Variants in ABCA1 observed in about 807,000 individuals in gnomAD.
ABCA1 encodes the protein ATP binding cassette subfamily A member 1.
In ABCA1, 133 loss-of-function variants were observed where a neutral mutation model predicts 262.5. That is an observed-to-expected ratio of 0.51 (90% CI 0.44 to 0.59). ABCA1 has a LOEUF of 0.59. Ranked by LOEUF, ABCA1 falls within the 20% of genes least tolerant of loss-of-function variation. ABCA1 has a pLI of 0.00. For missense variants in ABCA1, 2,452 were observed against 2,777.5 expected, an observed-to-expected ratio of 0.88 and a Z score of 2.63; for synonymous variants, 1,022 against 1,043.5, an observed-to-expected ratio of 0.98 and a Z score of 0.40.
chr9:104,805,215 C>G (rs1292745413), intron 31 of ABCA1, among the ~76,000 whole-genome samples: 1 of 152,174 alleles, frequency 6.6e-6, no homozygotes, highest in Non-Finnish European at 1.5e-5. Context: ...ACTGGGATTA[C>G]AGGCATGTGC....
At chr9:104,846,386 T>A (rs1262838484) in intron 7 of ABCA1, among the ~76,000 whole-genome samples, 1 of 152,234 alleles carries the variant, frequency 6.6e-6, no homozygotes, top group Non-Finnish European at 1.5e-5. Flanking sequence ...AAAATCCACC[T>A]TTCTTGATGT....
chr9:104,890,684 A>G (rs1452362802), intron 2 of ABCA1, among the ~76,000 whole-genome samples: 1 of 151,970 alleles, frequency 6.6e-6, no homozygotes, highest in East Asian at 1.9e-4. Context: ...CTGGAACGTC[A>G]AACTCTTGGG....
At chr9:104,910,588 A>ATG (rs150664774) in intron 1 of ABCA1, among the ~76,000 whole-genome samples, 14 of 151,976 alleles carry the variant, frequency 9.2e-5, no homozygotes, top group African/African-American at 1.9e-4. Flanking sequence ...ACAAGAGAGT[A>ATG]TGTGTGTGTG....
chr9:104,874,491 G>A (rs1175078421), intron 5 of ABCA1, among the ~76,000 whole-genome samples: 1 of 152,078 alleles, frequency 6.6e-6, no homozygotes, highest in African/African-American at 2.4e-5. Flanking sequence ...GTTTGAACCC[G>A]GGAGGCAGAG....
At chr9:104,825,991 G>A in intron 16 of ABCA1, 104 bp from the exon 17 acceptor site, 1 of 1,176,326 alleles carries the variant, frequency 8.5e-7, no homozygotes, top group South Asian at 1.3e-5. Flanking sequence ...TTGCAAAATG[G>A]ATCAATCATA....
At chr9:104,876,404 G>A (rs775376069) in intron 5 of ABCA1, among the ~76,000 whole-genome samples, 43 of 152,160 alleles carry the variant, frequency 2.8e-4, no homozygotes, top group Non-Finnish European at 8.8e-5. Flanking sequence ...TATGAGCCAA[G>A]TAGGACGTCC....
intron 40 of ABCA1, 134 bp downstream of exon 40, chr9:104,794,253 T>G: frequency 7.3e-7 from 1 of 1,361,314 alleles, no homozygotes; most frequent in Non-Finnish European, 1.0e-6. Flanking sequence ...GCATGAGCCC[T>G]GTCACTGGGC....
intron 5 of ABCA1, among the ~76,000 whole-genome samples, chr9:104,875,955 T>C (rs1838129079): frequency 6.6e-6 from 1 of 152,192 alleles, no homozygotes; most frequent in Non-Finnish European, 1.5e-5. Flanking sequence ...ATCTTTGCGG[T>C]CCCACAAAAC....
At chr9:104,878,071 G>C (rs1838305492) in intron 5 of ABCA1, among the ~76,000 whole-genome samples, 1 of 152,128 alleles carries the variant, frequency 6.6e-6, no homozygotes. Context: ...CTCACCCAGA[G>C]AAACACTTAT....
Position 104,893,610 on chromosome 9 carries a change from C to A in ABCA1, c.67-4415G>T, listed in dbSNP as rs559776216. Reference sequence around the variant, plus strand: ...TATTTAGGGCCCAATATGTACAAGGCACATTTTATATTAATTACTTAATTT... The same window carrying A: ...TATTTAGGGCCCAATATGTACAAGGAACATTTTATATTAATTACTTAATTT... On this transcript the variant is annotated intron_variant, in intron 2 of 49. Coordinates refer to ENST00000374736, the MANE Select transcript of ABCA1 (RefSeq NM_005502.4). 6.7e-4 allele frequency among the ~76,000 whole-genome samples: 102 copies of A among 152,108 alleles called. 1 individual carries two copies. The South Asian group carries it at 0.017, about 26-fold the overall frequency.
At position 104,845,487 on chromosome 9, in the gene ABCA1, A is replaced by G. The variant is rs1392889686; in HGVS notation, c.803T>C (p.Leu268Pro). The part of the protein sequence containing the change: ...TKTLLHSLGT[L>P]AQELFSMRSW... Reference sequence around the variant, plus strand: ...AAAGACACAACTTACCTCCTGGGCCAGAGTCCCAAGACTATGCAGCAATGT... The same window carrying G: ...AAAGACACAACTTACCTCCTGGGCCGGAGTCCCAAGACTATGCAGCAATGT... Residue 268 changes from leucine (L) to proline (P), a missense_variant, in exon 8 of 50, where the codon CTG (leucine) becomes CCG (proline). Physicochemically the swap from Leu to Pro is moderately conservative, Grantham distance 98 (BLOSUM62 -3). This residue lies in a region of ABCA1 where 1,032 missense variants were observed against 1,089.7 expected (regional missense o/e 0.95). Transcript: ENST00000374736. 6.2e-7 allele frequency: 1 copy of G among 1,613,046 alleles called. No homozygotes were observed. The highest frequency in any genetic ancestry group is 8.5e-7 in the Non-Finnish European group (1 of 1,179,042).
chr9:104,791,848 T>G, intron 43 of ABCA1, 88 bp downstream of exon 43: 2 of 1,379,310 alleles, frequency 1.5e-6, no homozygotes, highest in Non-Finnish European at 2.0e-6. Flanking sequence ...AAAATCCACT[T>G]TTACCTCTTA....
intron 5 of ABCA1, among the ~76,000 whole-genome samples, chr9:104,868,150 G>A (rs1054842873): frequency 4.6e-5 from 7 of 152,076 alleles, no homozygotes; most frequent in Non-Finnish European, 7.4e-5. Context: ...AACTGAGGTC[G>A]GAAGTTCGAG....
intron 31 of ABCA1, 62 bp from the exon 32 acceptor site, chr9:104,804,782 A>G: frequency 7.2e-7 from 1 of 1,397,810 alleles, no homozygotes; most frequent in Non-Finnish European, 1.0e-6. Flanking sequence ...ACAGAAAACA[A>G]ATCAAGGACA....
intron 36 of ABCA1, 57 bp from the exon 37 acceptor site, chr9:104,798,655 T>A: frequency 6.7e-7 from 1 of 1,493,578 alleles, no homozygotes; most frequent in Non-Finnish European, 9.2e-7. Flanking sequence ...TAGGGCTCAA[T>A]CAGTGAGGAC....
chr9:104,894,114 G>A (rs1255987545), intron 2 of ABCA1, among the ~76,000 whole-genome samples: 1 of 148,806 alleles, frequency 6.7e-6, no homozygotes, highest in East Asian at 1.9e-4. Flanking sequence ...GTGTGCTTTT[G>A]TACCCATCAT....
intron 1 of ABCA1, among the ~76,000 whole-genome samples, chr9:104,925,149 C>A (rs554630923): frequency 5.3e-5 from 8 of 152,202 alleles, no homozygotes; most frequent in African/African-American, 1.9e-4. Flanking sequence ...GAGGCCGAGG[C>A]GGGTGGATCA....
chr9:104,892,539 T>C (rs1400564062), intron 2 of ABCA1, among the ~76,000 whole-genome samples: 2 of 152,168 alleles, frequency 1.3e-5, no homozygotes, highest in Non-Finnish European at 2.9e-5. Context: ...CCAGGTACTT[T>C]GTGTCTGTAT....
intron 42 of ABCA1, among the ~76,000 whole-genome samples, chr9:104,792,411 T>C (rs1783610134): frequency 6.6e-6 from 1 of 152,230 alleles, no homozygotes; most frequent in Non-Finnish European, 1.5e-5. Flanking sequence ...AGGGCTGATA[T>C]AGACCCTCTT....
Sources: allele counts gnomAD v4.1 joint callset (sites outside exome capture counted in the v4.1 genomes callset), GRCh38; gene constraint gnomAD v4.1.1; regional missense constraint gnomAD v4.1.1; transcripts MANE v1.5; gene names NCBI Gene and HGNC (gene_info 2026-07-23, HGNC 2026-07-21).